Variants in CAMSAP2 observed in about 807,000 individuals in gnomAD.
CAMSAP2 encodes the protein calmodulin-regulated spectrin-associated protein 2.
CAMSAP2 carries 26 observed loss-of-function variants against 146.1 expected under a neutral mutation model. The ratio of observed to expected loss-of-function variants is 0.18; its 90% CI spans 0.13 to 0.25. CAMSAP2 has a LOEUF of 0.25. Among genes scored for constraint, CAMSAP2 ranks in the 10% least tolerant of loss-of-function variants. The probability of loss-of-function intolerance (pLI) is 1.00; values close to 1 mark genes in which losing one functional copy is unlikely to be tolerated. For missense variants in CAMSAP2, 1,381 were observed against 1,759.3 expected (o/e 0.78, Z 3.85); for synonymous variants, 499 against 596.6 (o/e 0.84, Z 2.38).
intron 1 of CAMSAP2, among the ~76,000 whole-genome samples, chr1:200,748,224 CATCTCT>C (rs1664398435): frequency 1.3e-5 from 2 of 152,282 alleles, no homozygotes; most frequent in South Asian, 4.1e-4. Flanking sequence ...AATCTTGATT[CATCTCT>C]AAACACTCCC....
rs367902847 is a variant in CAMSAP2 at position 200,816,784 on chromosome 1, A to G, written c.645+1140A>G. Among the ~76,000 whole-genome samples, 13 of 112,102 alleles carry G rather than the reference A, an allele frequency of 1.2e-4. 1 individual carries two copies. The highest frequency in any genetic ancestry group is 3.0e-4 in the South Asian group (1 of 3,318). The allele number at this position is 112,102 out of a possible 152,430, so 73.5% of individuals were successfully genotyped here. On this transcript the variant is annotated intron_variant, in intron 4 of 16. Transcript: ENST00000358823. ...TGTGTACACACACACGCGTGTATAT[A>G]TGTGTGTACACACACACGCGTGTAT...
chr1:200,817,188 A>T (rs1298729395), intron 4 of CAMSAP2, among the ~76,000 whole-genome samples: 1 of 81,322 alleles, frequency 1.2e-5, no homozygotes, highest in Non-Finnish European at 2.3e-5. Context: ...ACACACACAC[A>T]CATGTGTGTG....
intron 2 of CAMSAP2, among the ~76,000 whole-genome samples, chr1:200,797,839 G>C (rs1571765607): frequency 1.5e-5 from 2 of 136,736 alleles, no homozygotes; most frequent in African/African-American, 5.5e-5. Flanking sequence ...ATCTTGAATT[G>C]ATTTTTGTAT....
rs936131922 is a variant in CAMSAP2, at chr1:200,804,879, ATTTTTTTGCTT to A, written c.400-2495_400-2485del. On this transcript the variant is annotated intron_variant, in intron 2 of 16. Coordinates refer to ENST00000358823, the MANE Select transcript of CAMSAP2 (RefSeq NM_203459.4). ...ATTATGTTTGTCATTTCTGAAACAT[ATTTTTTTGCTT>A]TGCAACAAAATGACTTAACTCCTGC... Among the ~76,000 whole-genome samples the A allele has an allele frequency of 1.9e-3, 289 of 151,896 alleles. 2 individuals carry two copies. The highest frequency in any genetic ancestry group is 6.7e-3 in the African/African-American group (276 of 41,190).
intron 1 of CAMSAP2, among the ~76,000 whole-genome samples, chr1:200,755,076 T>G (rs1383503704): frequency 6.6e-6 from 1 of 152,218 alleles, no homozygotes; most frequent in Non-Finnish European, 1.5e-5. Flanking sequence ...TTTCCTTACT[T>G]TCTGGCACAT....
rs776667631 is a variant in CAMSAP2 at position 200,815,582 on chromosome 1, A to G, written c.583A>G (p.Ile195Val). The G allele has an allele frequency of 9.6e-6, 15 of 1,564,594 alleles. No individual in the cohort carries two copies. Among genetic ancestry groups the G allele is most frequent in the South Asian group, 8.6e-5 (7 of 81,480 alleles). The change falls in exon 4 of 17, where the codon ATA becomes GTA. Residue 195 changes from isoleucine to valine, a missense_variant. Ile to Val is a conservative substitution (Grantham distance 29). This residue lies in a region of CAMSAP2 where 284 missense variants were observed against 406.9 expected (regional missense o/e 0.70). Transcript: ENST00000358823. Reference sequence around the variant, plus strand: ...TAAGGTAAATGAACATTTGAAAGACATAATGGAACAAGAACAAAAACTGAA... The same window carrying G: ...TAAGGTAAATGAACATTTGAAAGACGTAATGGAACAAGAACAAAAACTGAA... ...INKVNEHLKD[I>V]MEQEQKLKEH...
chr1:200,848,245 A>G lies in CAMSAP2; in HGVS notation c.1476A>G (p.Ile492Met), dbSNP rs1447912522. Residue 492 changes from isoleucine (I) to methionine (M), a missense_variant, in exon 11 of 17, where the codon ATA becomes ATG. Physicochemically the swap from Ile to Met is conservative, Grantham distance 10. Coordinates refer to ENST00000358823, the MANE Select transcript of CAMSAP2 (RefSeq NM_203459.4). ...AGAGCATTGAAGAAGAACTTAATAT[A>G]GATTCTCACAGTGACCTCAAATCTT... ...EAESIEEELN[I>M]DSHSDLKSCV... The G allele has an allele frequency of 6.2e-7, 1 of 1,613,402 alleles. No homozygotes were observed. Among genetic ancestry groups the G allele is most frequent in the African/African-American group, 1.3e-5 (1 of 74,912 alleles).
intron 1 of CAMSAP2, among the ~76,000 whole-genome samples, chr1:200,757,995 T>C (rs1320027725): frequency 6.6e-6 from 1 of 152,220 alleles, no homozygotes; most frequent in Admixed American, 6.5e-5. Context: ...AGCAAGATGG[T>C]GTAGAGCTAT....
intron 1 of CAMSAP2, among the ~76,000 whole-genome samples, chr1:200,754,535 A>G (rs1187175186): frequency 1.0e-5 from 1 of 95,248 alleles, no homozygotes; most frequent in Non-Finnish European, 2.3e-5. Flanking sequence ...CTTTTTTTCC[A>G]TTTGTTTGTT....
intron 2 of CAMSAP2, among the ~76,000 whole-genome samples, chr1:200,795,917 C>T (rs1017808502): frequency 6.6e-6 from 1 of 152,178 alleles, no homozygotes; most frequent in African/African-American, 2.4e-5. Context: ...AGTCATCATA[C>T]TTTTTTGACT....
Position 200,844,963 on chromosome 1 carries a change from A to C in CAMSAP2, c.1109+94A>C, listed in dbSNP as rs141363890. ...ATTACATTAAATAAGGTTTTTAAGAATTTCAGTTGGATTTTGAACTGTTAT... is the reference window on the plus strand; with the variant it reads ...ATTACATTAAATAAGGTTTTTAAGACTTTCAGTTGGATTTTGAACTGTTAT... On this transcript the variant is annotated intron_variant, in intron 8 of 16. Transcript: ENST00000358823. 4.5e-4 allele frequency: 287 copies of C among 636,310 alleles called. 1 individual carries two copies. In the African/African-American group the frequency reaches 5.4e-3, roughly 12 times the overall value. The allele number at this position is 636,310 out of a possible 1,614,324, so 39.4% of individuals were successfully genotyped here. A position where few individuals can be genotyped will look rare whatever the true frequency, so the allele number is the denominator to read the frequency against.
At chr1:200,760,691 T>C in intron 1 of CAMSAP2, 148 bp from the exon 2 acceptor site, 6 of 569,150 alleles carry the variant, frequency 1.1e-5, no homozygotes, top group Non-Finnish European at 1.7e-5. Context: ...ATGTCAAAGT[T>C]TAATGAATCA....
intron 2 of CAMSAP2, among the ~76,000 whole-genome samples, chr1:200,792,678 A>G (rs12729842): frequency 0.13 from 19,594 of 152,208 alleles, 1,295 homozygotes; most frequent in East Asian, 0.17. Context: ...AGACAATCCC[A>G]AAAAGTTACA....
At chr1:200,742,070 A>G (rs1558155775) in intron 1 of CAMSAP2, among the ~76,000 whole-genome samples, 1 of 152,186 alleles carries the variant, frequency 6.6e-6, no homozygotes, top group African/African-American at 2.4e-5. Context: ...TCCTGCAGCA[A>G]CCCTGTAGAT....
intron 3 of CAMSAP2, among the ~76,000 whole-genome samples, chr1:200,809,826 A>G (rs1666278397): frequency 6.6e-6 from 1 of 152,190 alleles, no homozygotes; most frequent in Non-Finnish European, 1.5e-5. Flanking sequence ...AGGCTAAGAG[A>G]TCCCAGGTGA....
intron 2 of CAMSAP2, among the ~76,000 whole-genome samples, chr1:200,773,239 C>T (rs903155167): frequency 6.6e-6 from 1 of 151,922 alleles, no homozygotes; most frequent in African/African-American, 2.4e-5. Context: ...CATGACTTTT[C>T]ATTTTTTATT....
intron 2 of CAMSAP2, among the ~76,000 whole-genome samples, chr1:200,768,768 C>T (rs1249084331): frequency 6.6e-6 from 1 of 152,166 alleles, no homozygotes; most frequent in Non-Finnish European, 1.5e-5. Context: ...ATTCTCCTGC[C>T]TCAGCCTCCC....
intron 2 of CAMSAP2, among the ~76,000 whole-genome samples, chr1:200,766,331 T>G (rs923382314): frequency 1.2e-4 from 19 of 152,022 alleles, no homozygotes; most frequent in Non-Finnish European, 2.5e-4. Context: ...TTATTTTTTT[T>G]GTAGAGACAG....
At chr1:200,757,080 A>G (rs1664674739) in intron 1 of CAMSAP2, among the ~76,000 whole-genome samples, 1 of 152,104 alleles carries the variant, frequency 6.6e-6, no homozygotes, top group South Asian at 2.1e-4. Context: ...GCTTACTTTT[A>G]ATTGGAGTTC....
Sources: allele counts gnomAD v4.1 joint callset (sites outside exome capture counted in the v4.1 genomes callset), GRCh38; gene constraint gnomAD v4.1.1; regional missense constraint gnomAD v4.1.1; transcripts MANE v1.5; gene names NCBI Gene and HGNC (gene_info 2026-07-23, HGNC 2026-07-21).